ZNF521: variants seen among roughly 807,000 people sequenced by gnomAD.
ZNF521 encodes LYST-interacting protein 3.
ZNF521 carries 14 observed loss-of-function variants against 105.5 expected under a neutral mutation model. The ratio of observed to expected loss-of-function variants is 0.13; its 90% CI spans 0.09 to 0.21. ZNF521 has a LOEUF of 0.21. Ranked by LOEUF, ZNF521 falls within the 10% of genes least tolerant of loss-of-function variation. The pLI is 1.00. For synonymous variants in ZNF521, 635 were observed against 606.0 expected (o/e 1.05, Z -0.70); for missense variants, 1,233 against 1,629.7 (o/e 0.76, Z 4.19).
At chr18:25,145,981 A>G (rs959215740) in intron 5 of ZNF521, among the ~76,000 whole-genome samples, 1 of 152,150 alleles carries the variant, frequency 6.6e-6, no homozygotes, top group African/African-American at 2.4e-5. Context: ...GACAACAGTT[A>G]CCATTTATAA....
chr18:25,258,084 A>T (rs1272562488), intron 3 of ZNF521, among the ~76,000 whole-genome samples: 1 of 152,318 alleles, frequency 6.6e-6, no homozygotes, highest in Middle Eastern at 3.4e-3. Context: ...GATTAAATAA[A>T]GACAATTCTA....
chr18:25,072,990 G>A (rs1382112347), intron 7 of ZNF521, among the ~76,000 whole-genome samples: 1 of 151,944 alleles, frequency 6.6e-6, no homozygotes, highest in African/African-American at 2.4e-5. Context: ...CCCCTTCTTC[G>A]TGCTCTAATT....
chr18:25,283,013 G>C (rs1004152562), intron 3 of ZNF521, among the ~76,000 whole-genome samples: 1 of 152,194 alleles, frequency 6.6e-6, no homozygotes, highest in Non-Finnish European at 1.5e-5. Context: ...AACCTACAGA[G>C]AATGACTTTA....
At chr18:25,087,651 T>C (rs2033652368) in intron 7 of ZNF521, among the ~76,000 whole-genome samples, 1 of 152,238 alleles carries the variant, frequency 6.6e-6, no homozygotes, top group Non-Finnish European at 1.5e-5. Context: ...TATGCTTTGA[T>C]ACCTATGCAA....
chr18:25,111,402 C>T (rs181184204), intron 5 of ZNF521, among the ~76,000 whole-genome samples: 10 of 152,214 alleles, frequency 6.6e-5, no homozygotes, highest in South Asian at 2.1e-4. Context: ...TTGTGTTTAA[C>T]GAAAATTCTG....
chr18:25,248,715 C>A (rs1907905320), intron 3 of ZNF521, among the ~76,000 whole-genome samples: 1 of 152,170 alleles, frequency 6.6e-6, no homozygotes, highest in Admixed American at 6.5e-5. Context: ...CAGGCACTGG[C>A]ATATGCACAC....
intron 3 of ZNF521, among the ~76,000 whole-genome samples, chr18:25,276,455 A>C (rs1910038760): frequency 6.6e-6 from 1 of 152,186 alleles, no homozygotes; most frequent in Admixed American, 6.5e-5. Context: ...CTTCCTACAC[A>C]ACAGCAACAA....
At chr18:25,160,718 T>C (rs189910776) in intron 5 of ZNF521, among the ~76,000 whole-genome samples, 155 of 152,336 alleles carry the variant, frequency 1.0e-3, no homozygotes, top group African/African-American at 3.5e-3. Flanking sequence ...ACTTTTCCTC[T>C]GATATTTCCA....
intron 2 of ZNF521, among the ~76,000 whole-genome samples, chr18:25,349,722 G>C (rs1209566254): frequency 6.6e-6 from 1 of 151,428 alleles, no homozygotes; most frequent in Admixed American, 6.6e-5. Context: ...AGGAGGAAGA[G>C]GATGCTGCGC....
intron 3 of ZNF521, among the ~76,000 whole-genome samples, chr18:25,273,751 T>C (rs1050390944): frequency 6.6e-6 from 1 of 152,210 alleles, no homozygotes; most frequent in Non-Finnish European, 1.5e-5. Context: ...TAAAATTAGC[T>C]AGGAGTGGTT....
intron 5 of ZNF521, among the ~76,000 whole-genome samples, chr18:25,185,214 T>C (rs2035700630): frequency 6.6e-6 from 1 of 152,162 alleles, no homozygotes; most frequent in Admixed American, 6.5e-5. Context: ...ATAACATCTA[T>C]ACAAAATGGG....
At chr18:25,147,168 G>A (rs937617418) in intron 5 of ZNF521, among the ~76,000 whole-genome samples, 4 of 152,062 alleles carry the variant, frequency 2.6e-5, no homozygotes, top group African/African-American at 4.8e-5. Context: ...AAACAAATCA[G>A]TCAACAAATG....
intron 5 of ZNF521, among the ~76,000 whole-genome samples, chr18:25,130,060 A>G (rs746730154): frequency 1.3e-5 from 2 of 152,216 alleles, no homozygotes; most frequent in Non-Finnish European, 2.9e-5. Context: ...AGCTTTAGTT[A>G]TAACTGCCCA....
intron 5 of ZNF521, among the ~76,000 whole-genome samples, chr18:25,185,086 ATCTTT>A (rs1567999408): frequency 6.6e-6 from 1 of 152,194 alleles, no homozygotes; most frequent in Admixed American, 6.5e-5. Flanking sequence ...GAAAATACAA[ATCTTT>A]TCTTTAAGAA....
chr18:25,183,751 AAGCCCATTCATC>A (rs1297268317), intron 5 of ZNF521, among the ~76,000 whole-genome samples: 6 of 152,252 alleles, frequency 3.9e-5, no homozygotes, highest in African/African-American at 1.4e-4. Context: ...AACACTCCGC[AAGCCCATTCATC>A]AGCAGAACAG....
chr18:25,186,112 A>C (rs1172815232), intron 5 of ZNF521, among the ~76,000 whole-genome samples: 1 of 152,204 alleles, frequency 6.6e-6, no homozygotes, highest in African/African-American at 2.4e-5. Context: ...CTTACTTTTC[A>C]GTCAGTGCTC....
At chr18:25,279,117 GA>G (rs931735102) in intron 3 of ZNF521, among the ~76,000 whole-genome samples, 4 of 152,164 alleles carry the variant, frequency 2.6e-5, no homozygotes, top group African/African-American at 9.7e-5. Flanking sequence ...AAATGTCCCA[GA>G]AAAGGTAGAC....
intron 3 of ZNF521, among the ~76,000 whole-genome samples, chr18:25,292,275 T>C (rs1005129028): frequency 6.6e-6 from 1 of 152,202 alleles, no homozygotes; most frequent in Admixed American, 6.5e-5. Flanking sequence ...GTGAATCTCA[T>C]AGATTTACTG....
chr18:25,068,066 C>T (rs2033117399), intron 7 of ZNF521, among the ~76,000 whole-genome samples: 1 of 152,166 alleles, frequency 6.6e-6, no homozygotes, highest in African/African-American at 2.4e-5. Context: ...AACAAGCTTT[C>T]CACCACTAAT....
Sources: allele counts gnomAD v4.1 joint callset (sites outside exome capture counted in the v4.1 genomes callset), GRCh38; gene constraint gnomAD v4.1.1; transcripts MANE v1.5; gene names NCBI Gene and HGNC (gene_info 2026-07-23, HGNC 2026-07-21).